The following PDGFC variants were observed in gnomAD, a reference collection of about 807,000 sequenced individuals.
PDGFC encodes the protein platelet derived growth factor C, also known as platelet-derived growth factor C.
PDGFC carries 12 observed loss-of-function variants against 35.5 expected under a neutral mutation model. The observed-to-expected ratio is 0.34, with a 90% CI of 0.22 to 0.55. The LOEUF (loss-of-function observed/expected upper bound fraction) is 0.55, where lower values mean the gene tolerates loss of function less well. PDGFC is among the 20% of genes least tolerant of loss of function. The pLI is 0.91. For missense variants in PDGFC, 322 were observed against 412.4 expected (o/e 0.78, Z 1.90); for synonymous variants, 159 against 148.8 (o/e 1.07, Z -0.50).
intron 2 of PDGFC, among the ~76,000 whole-genome samples, chr4:156,821,988 C>T (rs934741220): frequency 6.6e-6 from 1 of 152,110 alleles, no homozygotes; most frequent in Admixed American, 6.5e-5. Context: ...AGTAAAGGGA[C>T]TGAATTTAGG....
At chr4:156,898,839 G>T (rs1186845454) in intron 1 of PDGFC, among the ~76,000 whole-genome samples, 5 of 152,078 alleles carry the variant, frequency 3.3e-5, no homozygotes, top group Non-Finnish European at 7.4e-5. Context: ...TCTATATTTT[G>T]TAGAGATGGG....
intron 1 of PDGFC, among the ~76,000 whole-genome samples, chr4:156,884,137 G>A (rs1730320202): frequency 6.6e-6 from 1 of 152,194 alleles, no homozygotes; most frequent in Admixed American, 6.5e-5. Context: ...ATTTCCTAAA[G>A]CTAGGGAAAT....
At chr4:156,779,283 G>A (rs991653027) in intron 3 of PDGFC, 8 of 435,348 alleles carry the variant, frequency 1.8e-5, no homozygotes, top group South Asian at 8.2e-5. Flanking sequence ...TTTTTAAGCC[G>A]GCAATGAAAA....
chr4:156,826,111 C>G (rs1370778485), intron 2 of PDGFC, among the ~76,000 whole-genome samples: 1 of 150,448 alleles, frequency 6.6e-6, no homozygotes, highest in African/African-American at 2.4e-5. Context: ...GCAATCCTCC[C>G]ACATTGGCCT....
Position 156,762,763 on chromosome 4 carries a change from A to G in PDGFC, c.*327T>C, listed in dbSNP as rs1730411374. 2 of 199,626 alleles carry G rather than the reference A, an allele frequency of 1.0e-5. No homozygotes were observed. The highest frequency in any genetic ancestry group is 2.0e-3 in the Middle Eastern group (1 of 508). 12.4% of individuals were successfully genotyped at this position (199,626 alleles called of 1,614,324 possible). ...ACTGACATTACCCTAAGCCGTATCG[A>G]AAGAACTGAAATACAGAACCCAGCT... On this transcript the variant is annotated 3_prime_UTR_variant, in exon 6 of 6. Transcript: ENST00000502773.
chr4:156,893,243 A>G (rs947609090), intron 1 of PDGFC, among the ~76,000 whole-genome samples: 1 of 152,222 alleles, frequency 6.6e-6, no homozygotes, highest in Non-Finnish European at 1.5e-5. Context: ...TCTTTATTAC[A>G]TTAAGTAGTA....
intron 3 of PDGFC, among the ~76,000 whole-genome samples, chr4:156,806,541 A>C (rs1401869555): frequency 6.6e-6 from 1 of 152,068 alleles, no homozygotes; most frequent in Non-Finnish European, 1.5e-5. Context: ...TCTCACAGAC[A>C]TTAAAAAAAC....
intron 1 of PDGFC, among the ~76,000 whole-genome samples, chr4:156,943,945 T>C (rs1731875162): frequency 6.6e-6 from 1 of 152,140 alleles, no homozygotes; most frequent in Non-Finnish European, 1.5e-5. Context: ...AACAAATATG[T>C]TGTGTTAGTA....
intron 1 of PDGFC, among the ~76,000 whole-genome samples, chr4:156,922,834 G>A (rs1731318692): frequency 6.6e-6 from 1 of 151,990 alleles, no homozygotes; most frequent in Admixed American, 6.6e-5. Context: ...AACAAAGAAT[G>A]GATGAGACAG....
At chr4:156,856,000 T>C (rs1344944505) in intron 1 of PDGFC, among the ~76,000 whole-genome samples, 2 of 152,176 alleles carry the variant, frequency 1.3e-5, no homozygotes, top group Non-Finnish European at 2.9e-5. Flanking sequence ...TTGCAAACTA[T>C]ATAGAATTAC....
chr4:156,943,035 C>T (rs1731850225), intron 1 of PDGFC, among the ~76,000 whole-genome samples: 1 of 151,870 alleles, frequency 6.6e-6, no homozygotes, highest in Admixed American at 6.6e-5. Context: ...AGTGAATTCC[C>T]TCGAAAAAAT....
chr4:156,767,963 T>C lies in PDGFC; in HGVS notation c.731A>G (p.Glu244Gly). 1 of 1,610,290 alleles carries C rather than the reference T, an allele frequency of 6.2e-7. No homozygotes were observed. The highest frequency in any genetic ancestry group is 8.5e-7 in the Non-Finnish European group (1 of 1,176,662). The change falls in exon 5 of 6, where the codon GAG becomes GGG. Residue 244 changes from glutamate (E) to glycine (G), a missense_variant. Glu to Gly is a moderately conservative substitution (Grantham distance 98). Coordinates refer to ENST00000502773, the MANE Select transcript of PDGFC (RefSeq NM_016205.3). ...RVVDLNLLTE[E>G]VRLYSCTPRN... The stretch of plus-strand genomic sequence containing the variant: ...AGGTGTGCAGCTGTATAATCTTACC[T>C]CCTCTGTTAGAAGGTTCAGATCCAC...
intron 1 of PDGFC, among the ~76,000 whole-genome samples, chr4:156,898,226 C>T (rs1730682521): frequency 6.6e-6 from 1 of 152,108 alleles, no homozygotes; most frequent in Non-Finnish European, 1.5e-5. Context: ...GAAGTGGGCC[C>T]TCACCAGACA....
intron 2 of PDGFC, among the ~76,000 whole-genome samples, chr4:156,834,661 T>C (rs981894009): frequency 2.0e-5 from 3 of 152,174 alleles, no homozygotes; most frequent in Non-Finnish European, 4.4e-5. Context: ...GATCTATGTC[T>C]CTCAGCAGAC....
At chr4:156,798,817 T>C (rs1271758606) in intron 3 of PDGFC, among the ~76,000 whole-genome samples, 1 of 152,208 alleles carries the variant, frequency 6.6e-6, no homozygotes, top group East Asian at 1.9e-4. Flanking sequence ...TTTCATTAAC[T>C]TGTACCCAGC....
intron 2 of PDGFC, among the ~76,000 whole-genome samples, chr4:156,839,472 G>A (rs749926790): frequency 6.6e-5 from 10 of 152,296 alleles, no homozygotes; most frequent in South Asian, 2.1e-4. Flanking sequence ...GCTGAACTGT[G>A]AGCCAATTAA....
chr4:156,838,183 T>C (rs1013631103), intron 2 of PDGFC, among the ~76,000 whole-genome samples: 1 of 152,234 alleles, frequency 6.6e-6, no homozygotes, highest in Non-Finnish European at 1.5e-5. Context: ...AATGCTTATC[T>C]GTCCTAAGCA....
chr4:156,908,767 T>C (rs2110796312), intron 1 of PDGFC, among the ~76,000 whole-genome samples: 1 of 152,238 alleles, frequency 6.6e-6, no homozygotes, highest in African/African-American at 2.4e-5. Context: ...TATAGTTCAA[T>C]AGACTTATGT....
intron 3 of PDGFC, among the ~76,000 whole-genome samples, chr4:156,796,020 C>T (rs970936884): frequency 6.6e-6 from 1 of 152,152 alleles, no homozygotes; most frequent in Non-Finnish European, 1.5e-5. Context: ...AATCCCACAT[C>T]AAGAGGAGTG....
Sources: gnomAD v4.1 joint callset for allele counts (sites outside exome capture counted in the v4.1 genomes callset) on GRCh38, gnomAD v4.1.1 for gene constraint, MANE v1.5 for transcripts, NCBI Gene and HGNC (gene_info 2026-07-23, HGNC 2026-07-21) for gene names.